The following RIMS1 variants were observed in gnomAD, a reference collection of about 807,000 sequenced individuals.
RIMS1 encodes regulating synaptic membrane exocytosis protein 1.
Under a neutral mutation model 214.1 loss-of-function variants are expected in RIMS1, and 83 were observed. That is an observed-to-expected ratio of 0.39 (90% CI 0.32 to 0.47). RIMS1 has a LOEUF of 0.47. Ranked by LOEUF, RIMS1 falls within the 20% of genes least tolerant of loss-of-function variation. RIMS1 has a pLI of 0.99. For synonymous variants in RIMS1, 793 were observed against 786.8 expected (o/e 1.01, Z -0.13); for missense variants, 2,050 against 2,161.8 (o/e 0.95, Z 1.03).
chr6:72,068,372 T>C (rs1365825428), intron 2 of RIMS1, among the ~76,000 whole-genome samples: 1 of 151,544 alleles, frequency 6.6e-6, no homozygotes, highest in Non-Finnish European at 1.5e-5. Context: ...CACAAAAAAA[T>C]CATCGTGCTT....
chr6:72,151,867 G>A (rs1484617380), intron 4 of RIMS1, among the ~76,000 whole-genome samples: 1 of 152,180 alleles, frequency 6.6e-6, no homozygotes, highest in African/African-American at 2.4e-5. Flanking sequence ...ACAGAAGTGT[G>A]GTGTCATATC....
chr6:71,977,595 G>T (rs900477836), intron 2 of RIMS1, among the ~76,000 whole-genome samples: 7 of 152,062 alleles, frequency 4.6e-5, no homozygotes, highest in Non-Finnish European at 1.0e-4. Flanking sequence ...GCTACACTGG[G>T]AAAACTATTT....
intron 2 of RIMS1, among the ~76,000 whole-genome samples, chr6:72,091,096 C>T (rs552293680): frequency 2.0e-5 from 3 of 152,326 alleles, no homozygotes; most frequent in South Asian, 2.1e-4. Flanking sequence ...GCCCTTCCAC[C>T]ATTGTACACA....
At chr6:72,059,823 C>A (rs1827368019) in intron 2 of RIMS1, among the ~76,000 whole-genome samples, 1 of 152,190 alleles carries the variant, frequency 6.6e-6, no homozygotes, top group Non-Finnish European at 1.5e-5. Flanking sequence ...GAAAATTTCA[C>A]ATCAAAATCT....
intron 2 of RIMS1, among the ~76,000 whole-genome samples, chr6:71,998,846 G>A (rs535435): frequency 0.22 from 33,109 of 152,048 alleles, 4,426 homozygotes; most frequent in East Asian, 0.33. Context: ...AGGAGCTTTA[G>A]AATAAATCTG....
chr6:72,324,043 G>GATAC (rs1460073275), intron 28 of RIMS1, among the ~76,000 whole-genome samples: 26 of 151,224 alleles, frequency 1.7e-4, no homozygotes, highest in African/African-American at 5.8e-4. Flanking sequence ...TAGATAGATA[G>GATAC]ATAGATAGAT....
At chr6:72,355,714 A>G (rs776883222) in intron 29 of RIMS1, among the ~76,000 whole-genome samples, 5 of 152,084 alleles carry the variant, frequency 3.3e-5, no homozygotes, top group African/African-American at 4.8e-5. Context: ...TCTCCCATCT[A>G]GTTTCCCAGT....
intron 2 of RIMS1, among the ~76,000 whole-genome samples, chr6:71,988,270 T>C (rs1337350928): frequency 6.6e-6 from 1 of 152,194 alleles, no homozygotes; most frequent in East Asian, 1.9e-4. Flanking sequence ...CCAGCTTTAC[T>C]GAGTCTGAAT....
chr6:72,262,224 T>C (rs1040001411), intron 19 of RIMS1: 8 of 770,710 alleles, frequency 1.0e-5, no homozygotes, highest in African/African-American at 1.9e-5. Context: ...TATATACTTA[T>C]ATAATATTAT....
At chr6:71,898,700 G>A (rs1772637576) in intron 1 of RIMS1, among the ~76,000 whole-genome samples, 1 of 152,120 alleles carries the variant, frequency 6.6e-6, no homozygotes, top group Non-Finnish European at 1.5e-5. Context: ...CAACTGATAA[G>A]AGTTGGCAGG....
intron 24 of RIMS1, among the ~76,000 whole-genome samples, chr6:72,286,279 GCAATAAGATACTATT>G (rs2092286105): frequency 1.3e-5 from 2 of 151,940 alleles, no homozygotes; most frequent in African/African-American, 2.4e-5. Context: ...AGTTTTTTTG[GCAATAAGATACTATT>G]TTAGAAAATG....
intron 18 of RIMS1, among the ~76,000 whole-genome samples, chr6:72,260,032 G>A (rs902800644): frequency 6.6e-6 from 1 of 152,126 alleles, no homozygotes; most frequent in Non-Finnish European, 1.5e-5. Flanking sequence ...CTAGGATGAA[G>A]AGCTGCTCTG....
chr6:72,044,606 A>T (rs1365042256), intron 2 of RIMS1, among the ~76,000 whole-genome samples: 1 of 151,954 alleles, frequency 6.6e-6, no homozygotes, highest in Non-Finnish European at 1.5e-5. Flanking sequence ...ATATGAAAAG[A>T]TGTGCAACAT....
At chr6:71,924,536 G>A (rs1207510640) in intron 1 of RIMS1, among the ~76,000 whole-genome samples, 2 of 150,424 alleles carry the variant, frequency 1.3e-5, no homozygotes, top group Non-Finnish European at 2.9e-5. Context: ...GCTCACGCTT[G>A]TAATCCCAGC....
intron 29 of RIMS1, among the ~76,000 whole-genome samples, chr6:72,381,137 G>C (rs181785989): frequency 2.0e-5 from 3 of 152,242 alleles, no homozygotes; most frequent in Admixed American, 2.0e-4. Flanking sequence ...TTCTTCTGAG[G>C]CTCTCTCCTT....
At chr6:72,078,461 T>C (rs1586447198) in intron 2 of RIMS1, among the ~76,000 whole-genome samples, 2 of 152,142 alleles carry the variant, frequency 1.3e-5, no homozygotes, top group East Asian at 3.9e-4. Flanking sequence ...TTCCCTTTTT[T>C]CTGTGAAATA....
intron 1 of RIMS1, among the ~76,000 whole-genome samples, chr6:71,944,012 A>G (rs1034084655): frequency 9.9e-5 from 15 of 152,198 alleles, no homozygotes; most frequent in African/African-American, 3.6e-4. Context: ...TTAATTAATC[A>G]TTTTTACTTA....
chr6:72,238,308 A>C (rs1392396697), intron 9 of RIMS1, among the ~76,000 whole-genome samples: 1 of 152,066 alleles, frequency 6.6e-6, no homozygotes, highest in Non-Finnish European at 1.5e-5. Context: ...TATTTAGTTT[A>C]TATTTTAAGC....
At chr6:72,017,460 T>G (rs1272497792) in intron 2 of RIMS1, among the ~76,000 whole-genome samples, 34 of 152,206 alleles carry the variant, frequency 2.2e-4, no homozygotes. Context: ...AATTTCTTTA[T>G]TTTAAATAAG....
Sources: gnomAD v4.1 joint callset for allele counts (sites outside exome capture counted in the v4.1 genomes callset) on GRCh38, gnomAD v4.1.1 for gene constraint, MANE v1.5 for transcripts, NCBI Gene and HGNC (gene_info 2026-07-23, HGNC 2026-07-21) for gene names.